The following PLCH1 variants were observed in gnomAD, a reference collection of about 807,000 sequenced individuals.
PLCH1 encodes phospholipase C eta 1.
Under a neutral mutation model 126.7 loss-of-function variants are expected in PLCH1, and 60 were observed. That is an observed-to-expected ratio of 0.47 (90% CI 0.38 to 0.59). PLCH1 has a LOEUF of 0.59. PLCH1 is among the 20% of genes least tolerant of loss of function. The probability of loss-of-function intolerance (pLI) is 0.00; values close to 1 mark genes in which losing one functional copy is unlikely to be tolerated. For missense variants in PLCH1, 1,723 were observed against 2,040.0 expected, an observed-to-expected ratio of 0.84 and a Z score of 2.99; for synonymous variants, 719 against 734.9, an observed-to-expected ratio of 0.98 and a Z score of 0.35.
intron 1 of PLCH1, among the ~76,000 whole-genome samples, chr3:155,728,761 A>G (rs1258159305): frequency 6.6e-6 from 1 of 152,158 alleles, no homozygotes; most frequent in Non-Finnish European, 1.5e-5. Flanking sequence ...TTTTATAGAT[A>G]TATATGCCTT....
intron 1 of PLCH1, among the ~76,000 whole-genome samples, chr3:155,712,958 C>T (rs1401640300): frequency 2.7e-5 from 4 of 149,542 alleles, no homozygotes; most frequent in African/African-American, 9.9e-5. Context: ...TAAATCACTT[C>T]ATGATTTACA....
intron 1 of PLCH1, among the ~76,000 whole-genome samples, chr3:155,733,929 G>GTATA (rs1748951791): frequency 4.8e-5 from 3 of 61,938 alleles, no homozygotes; most frequent in African/African-American, 1.7e-4. Context: ...TGGCCAACAG[G>GTATA]TATACATATA....
At chr3:155,543,356 T>C (rs1376584953) in intron 10 of PLCH1, among the ~76,000 whole-genome samples, 4 of 151,924 alleles carry the variant, frequency 2.6e-5, no homozygotes, top group Admixed American at 1.3e-4. Flanking sequence ...TAAAAAGAAA[T>C]GAACAAAGCC....
At chr3:155,614,677 G>A (rs1216933719) in intron 2 of PLCH1, among the ~76,000 whole-genome samples, 4 of 152,120 alleles carry the variant, frequency 2.6e-5, no homozygotes, top group Admixed American at 6.6e-5. Context: ...AAAGCATAAA[G>A]TGGAGAAAGG....
At chr3:155,618,685 T>C (rs1736088428) in intron 2 of PLCH1, among the ~76,000 whole-genome samples, 2 of 152,222 alleles carry the variant, frequency 1.3e-5, no homozygotes, top group African/African-American at 2.4e-5. Context: ...CTGGCTCTGT[T>C]GCCCAGGCTA....
At chr3:155,675,966 CTT>C (rs1744044137) in intron 2 of PLCH1, 1 of 1,234,954 alleles carries the variant, frequency 8.1e-7, no homozygotes, top group Non-Finnish European at 1.2e-6. Context: ...GACTATTACA[CTT>C]ACCTTAAAAT....
intron 2 of PLCH1, among the ~76,000 whole-genome samples, chr3:155,640,782 C>T (rs1739308200): frequency 6.6e-6 from 1 of 152,104 alleles, no homozygotes; most frequent in Non-Finnish European, 1.5e-5. Flanking sequence ...GAAGTTAAGT[C>T]ACCAGAGAGT....
At chr3:155,544,372 C>T (rs1724877725) in intron 10 of PLCH1, among the ~76,000 whole-genome samples, 1 of 152,238 alleles carries the variant, frequency 6.6e-6, no homozygotes, top group East Asian at 1.9e-4. Flanking sequence ...TACAGGAGCA[C>T]CCAGATTCAT....
At chr3:155,634,300 T>C (rs1577202199) in intron 2 of PLCH1, among the ~76,000 whole-genome samples, 1 of 152,154 alleles carries the variant, frequency 6.6e-6, no homozygotes, top group East Asian at 1.9e-4. Flanking sequence ...CCTGTGCCCT[T>C]AGAAAAGGTT....
At chr3:155,699,100 A>T (rs1214272175) in intron 2 of PLCH1, among the ~76,000 whole-genome samples, 3 of 145,512 alleles carry the variant, frequency 2.1e-5, no homozygotes, top group Admixed American at 1.4e-4. Flanking sequence ...TTTTTGAGAC[A>T]GTTTTGCTCT....
intron 2 of PLCH1, among the ~76,000 whole-genome samples, chr3:155,703,449 C>T (rs1027394198): frequency 2.0e-5 from 3 of 152,144 alleles, no homozygotes; most frequent in African/African-American, 7.2e-5. Flanking sequence ...ATCTTGACAG[C>T]AGGATTGACA....
At chr3:155,743,632 G>T (rs1190642496) in intron 1 of PLCH1, 1 of 406,592 alleles carries the variant, frequency 2.5e-6, no homozygotes, top group Non-Finnish European at 4.7e-6. Flanking sequence ...CCCCAAAGGT[G>T]ACCAAAACGC....
At chr3:155,660,684 T>C (rs1312910734) in intron 2 of PLCH1, among the ~76,000 whole-genome samples, 2 of 152,232 alleles carry the variant, frequency 1.3e-5, no homozygotes, top group Non-Finnish European at 2.9e-5. Context: ...TTTCTATCCA[T>C]CTACCCATAT....
At chr3:155,578,883 A>C (rs1446810512) in intron 6 of PLCH1, among the ~76,000 whole-genome samples, 2 of 152,162 alleles carry the variant, frequency 1.3e-5, no homozygotes, top group African/African-American at 4.8e-5. Flanking sequence ...CCCCTGAAGC[A>C]GACCATACGA....
chr3:155,470,520 G>A (rs1233599701), intron 21 of PLCH1, among the ~76,000 whole-genome samples: 2 of 152,158 alleles, frequency 1.3e-5, no homozygotes, highest in Non-Finnish European at 2.9e-5. Context: ...TTATCCAGGA[G>A]AACTTCCCCA....
At chr3:155,489,025 C>T (rs775920431) in intron 19 of PLCH1, among the ~76,000 whole-genome samples, 6 of 152,176 alleles carry the variant, frequency 3.9e-5, no homozygotes, top group Non-Finnish European at 7.4e-5. Context: ...TGTAAATTAT[C>T]ACATCAAATC....
intron 3 of PLCH1, among the ~76,000 whole-genome samples, chr3:155,594,407 C>G (rs995955272): frequency 6.6e-6 from 1 of 151,548 alleles, no homozygotes; most frequent in Non-Finnish European, 1.5e-5. Flanking sequence ...CCCGTCTCTG[C>G]TAAAATAAAA....
chr3:155,529,995 G>A (rs1269710291), intron 10 of PLCH1, among the ~76,000 whole-genome samples: 1 of 152,106 alleles, frequency 6.6e-6, no homozygotes, highest in African/African-American at 2.4e-5. Context: ...TTGAACTCCT[G>A]ACCTCAAGTG....
In PLCH1 at chr3:155,535,791, G is replaced by A. The variant is rs28806830; in HGVS notation, c.1363-11787C>T. Among the ~76,000 whole-genome samples the A allele has an allele frequency of 2.6e-3, 392 of 152,294 alleles. 1 individual carries two copies. Among genetic ancestry groups the A allele is most frequent in the Non-Finnish European group, 4.5e-3 (308 of 68,028 alleles). On this transcript the variant is annotated intron_variant, in intron 10 of 22. Transcript: ENST00000460012. ...CCAAATATGTATCCAGGTGACCTTA[G>A]GGCAAGCTTGTATCAGCTGATGATC...
Sources: allele counts gnomAD v4.1 joint callset (sites outside exome capture counted in the v4.1 genomes callset), GRCh38; gene constraint gnomAD v4.1.1; transcripts MANE v1.5; gene names NCBI Gene and HGNC (gene_info 2026-07-23, HGNC 2026-07-21).